RBFOX3: variants seen among roughly 807,000 people sequenced by gnomAD.
The protein encoded by RBFOX3 is RNA binding protein fox-1 homolog 3.
A neutral mutation model predicts 48.7 loss-of-function variants in RBFOX3; 17 were observed. That is an observed-to-expected ratio of 0.35 (90% CI 0.24 to 0.52). The LOEUF (loss-of-function observed/expected upper bound fraction) is 0.52. RBFOX3 is among the 20% of genes least tolerant of loss of function. The probability of loss-of-function intolerance (pLI) is 0.94; values close to 1 mark genes in which losing one functional copy is unlikely to be tolerated. For missense variants in RBFOX3, 382 were observed against 497.5 expected (o/e 0.77, Z 2.21); for synonymous variants, 212 against 209.5 (o/e 1.01, Z -0.10).
intron 2 of RBFOX3, among the ~76,000 whole-genome samples, chr17:79,324,790 A>G (rs554903995): frequency 6.6e-6 from 1 of 152,334 alleles, no homozygotes; most frequent in East Asian, 1.9e-4. Context: ...TGGGAGGCAG[A>G]CGCTCATTCA....
chr17:79,615,754 C>A (rs1409438289), upstream of RBFOX3, among the ~76,000 whole-genome samples: 2 of 152,152 alleles, frequency 1.3e-5, no homozygotes, highest in Admixed American at 1.3e-4. Context: ...CCACAGGGAA[C>A]AAAGAAACAG....
chr17:79,598,364 G>GCGCACACA (rs2093621795), intron 1 of RBFOX3: 1 of 149,936 alleles, frequency 6.7e-6, no homozygotes, highest in Non-Finnish European at 1.5e-5. Flanking sequence ...ATGCACACAT[G>GCGCACACA]TGCACACATA....
At position 79,406,383 on chromosome 17, in the gene RBFOX3, C is replaced by T. The variant is rs193206041; in HGVS notation, c.-175+76071G>A. Among the ~76,000 whole-genome samples, 1,351 of 152,270 alleles carry T rather than the reference C, an allele frequency of 8.9e-3. 11 individuals are homozygous for T. Among genetic ancestry groups the T allele is most frequent in the Non-Finnish European group, 0.012 (794 of 68,022 alleles). The stretch of plus-strand genomic sequence containing the variant: ...CTGCCAGGTCGCTTCTCAGTCTCCA[C>T]GTCTCAGGACTGGTTGGGTCTCAGA... On this transcript the variant is annotated intron_variant, in intron 2 of 14. Transcript: ENST00000693108.
chr17:79,648,617 T>A, the RBFOX3 span, among the ~76,000 whole-genome samples: 1 of 152,212 alleles, frequency 6.6e-6, no homozygotes, highest in Non-Finnish European at 1.5e-5. Flanking sequence ...CTCTGCCTCG[T>A]TGGGGCCGAT....
chr17:79,464,085 G>C (rs1196774936), intron 2 of RBFOX3, among the ~76,000 whole-genome samples: 2 of 152,220 alleles, frequency 1.3e-5, no homozygotes, highest in Non-Finnish European at 2.9e-5. Context: ...AACCACCAAT[G>C]ATGGGGAACT....
chr17:79,209,988 CT>C (rs1294168392), intron 4 of RBFOX3, among the ~76,000 whole-genome samples: 1 of 124,090 alleles, frequency 8.1e-6, no homozygotes, highest in Non-Finnish European at 1.7e-5. Flanking sequence ...CAGAGCAAGA[CT>C]CCATCTCAAA....
the RBFOX3 span, among the ~76,000 whole-genome samples, chr17:79,656,081 C>T: frequency 1.3e-5 from 2 of 152,214 alleles, no homozygotes; most frequent in African/African-American, 4.8e-5. Flanking sequence ...CTTCTGAGAT[C>T]ACTCTCAAGC....
At chr17:79,301,176 G>A (rs560161123) in intron 3 of RBFOX3, among the ~76,000 whole-genome samples, 1 of 152,176 alleles carries the variant, frequency 6.6e-6, no homozygotes, top group Non-Finnish European at 1.5e-5. Flanking sequence ...GCCACTCTCT[G>A]GGTCCCAGCC....
chr17:79,398,350 T>C lies in RBFOX3; in HGVS notation c.-175+84104A>G, dbSNP rs527587503. Among the ~76,000 whole-genome samples the C allele has an allele frequency of 1.1e-4, 16 of 151,870 alleles. No homozygotes were observed. The East Asian group carries it at 2.5e-3, about 24-fold the overall frequency. ...ACGGTTTCAGAAAAGTGGGAAAGGGTGAAGGTGTCCCGTCACCCCAGAATG... is the reference window on the plus strand; with the variant it reads ...ACGGTTTCAGAAAAGTGGGAAAGGGCGAAGGTGTCCCGTCACCCCAGAATG... On this transcript the variant is annotated intron_variant, in intron 2 of 14. Transcript: ENST00000693108.
At chr17:79,253,120 T>C (rs1445012357) in intron 3 of RBFOX3, among the ~76,000 whole-genome samples, 1 of 152,126 alleles carries the variant, frequency 6.6e-6, no homozygotes, top group Non-Finnish European at 1.5e-5. Flanking sequence ...TCAGCCCAAG[T>C]AGATCCTGGC....
chr17:79,353,448 T>C (rs1222908642), intron 2 of RBFOX3, among the ~76,000 whole-genome samples: 2 of 152,198 alleles, frequency 1.3e-5, no homozygotes, highest in African/African-American at 2.4e-5. Context: ...GCAAGCTTTG[T>C]TTGTTTGAGC....
intron 1 of RBFOX3, among the ~76,000 whole-genome samples, chr17:79,495,594 A>G (rs1555774675): frequency 2.6e-4 from 1 of 3,870 alleles, no homozygotes; most frequent in African/African-American, 6.9e-4. Flanking sequence ...AAGGTGGGGG[A>G]GGGGTACAGA....
chr17:79,605,789 C>G (rs1003832401), intron 1 of RBFOX3, among the ~76,000 whole-genome samples: 1 of 152,206 alleles, frequency 6.6e-6, no homozygotes, highest in African/African-American at 2.4e-5. Flanking sequence ...GAGGAAACCA[C>G]GGAGGCTGAG....
intron 14 of RBFOX3, 147 bp downstream of exon 14, chr17:79,094,304 C>A: frequency 1.8e-6 from 1 of 554,664 alleles, no homozygotes; most frequent in South Asian, 2.6e-5. Flanking sequence ...CTCCCCTCAC[C>A]CTAACTCACA....
the RBFOX3 span, among the ~76,000 whole-genome samples, chr17:79,644,913 T>G: frequency 1.3e-5 from 2 of 152,210 alleles, no homozygotes; most frequent in East Asian, 3.8e-4. Context: ...GTTCTAAAAT[T>G]TTTATGGAAA....
intron 1 of RBFOX3, among the ~76,000 whole-genome samples, chr17:79,569,944 G>A (rs894048420): frequency 3.3e-4 from 50 of 151,882 alleles, no homozygotes; most frequent in African/African-American, 1.2e-3. Context: ...ATGGATAATA[G>A]ATGGATGGTA....
chr17:79,507,647 G>C (rs1598982784), intron 1 of RBFOX3, among the ~76,000 whole-genome samples: 1 of 152,142 alleles, frequency 6.6e-6, no homozygotes, highest in Admixed American at 6.5e-5. Flanking sequence ...GCCACAGCTG[G>C]TACTGCCACT....
chr17:79,663,173 G>A, the RBFOX3 span, among the ~76,000 whole-genome samples: 27 of 152,196 alleles, frequency 1.8e-4, no homozygotes, highest in African/African-American at 4.8e-4. Context: ...AGGGGAGATG[G>A]TGAAAGATTA....
chr17:79,355,161 C>T (rs1189701781), intron 2 of RBFOX3, among the ~76,000 whole-genome samples: 1 of 152,216 alleles, frequency 6.6e-6, no homozygotes, highest in Non-Finnish European at 1.5e-5. Context: ...TAACATTTAA[C>T]ACGGGGTTCG....
Sources: gnomAD v4.1 joint callset for allele counts (sites outside exome capture counted in the v4.1 genomes callset) on GRCh38, gnomAD v4.1.1 for gene constraint, MANE v1.5 for transcripts, NCBI Gene and HGNC (gene_info 2026-07-23, HGNC 2026-07-21) for gene names.